PLCB1: variants seen among roughly 807,000 people sequenced by gnomAD.
The protein encoded by PLCB1 is phospholipase C beta 1.
In PLCB1, 46 loss-of-function variants were observed where a neutral mutation model predicts 161.8. The observed-to-expected ratio is 0.28, with a 90% CI of 0.22 to 0.36. The LOEUF is 0.36. Among genes scored for constraint, PLCB1 ranks in the 10% least tolerant of loss-of-function variants. The pLI is 1.00. For missense variants in PLCB1, 1,016 were observed against 1,472.5 expected (o/e 0.69, Z 5.07); for synonymous variants, 517 against 503.7 (o/e 1.03, Z -0.35).
At chr20:8,308,081 T>C (rs756183930) in intron 2 of PLCB1, among the ~76,000 whole-genome samples, 1 of 152,036 alleles carries the variant, frequency 6.6e-6, no homozygotes, top group Non-Finnish European at 1.5e-5. Context: ...ACAAAATGCA[T>C]TGCTGCTTTG....
chr20:8,433,963 G>A (rs542539257), intron 3 of PLCB1, among the ~76,000 whole-genome samples: 1 of 94,590 alleles, frequency 1.1e-5, no homozygotes, highest in East Asian at 3.9e-4. Flanking sequence ...AACCCATTAT[G>A]TGTTTGTTTT....
At chr20:8,637,500 A>C (rs557188110) in intron 4 of PLCB1, among the ~76,000 whole-genome samples, 2 of 152,224 alleles carry the variant, frequency 1.3e-5, no homozygotes, top group Admixed American at 1.3e-4. Context: ...AGGAAACTGG[A>C]AGATGACAGA....
intron 3 of PLCB1, among the ~76,000 whole-genome samples, chr20:8,568,825 C>A (rs1986418887): frequency 6.6e-6 from 1 of 152,104 alleles, no homozygotes; most frequent in African/African-American, 2.4e-5. Flanking sequence ...AAGAGTTTAT[C>A]TGGAAGGTGA....
At chr20:8,735,099 G>C (rs1181430064) in intron 19 of PLCB1, among the ~76,000 whole-genome samples, 1 of 152,214 alleles carries the variant, frequency 6.6e-6, no homozygotes, top group Non-Finnish European at 1.5e-5. Flanking sequence ...TTTAATTCCT[G>C]TCAGGTGTGA....
chr20:8,579,957 T>C (rs966256537), intron 3 of PLCB1, among the ~76,000 whole-genome samples: 1 of 152,192 alleles, frequency 6.6e-6, no homozygotes, highest in Non-Finnish European at 1.5e-5. Context: ...ATTGGCTTGT[T>C]TGAATAATTT....
At chr20:8,713,607 C>T (rs1240051875) in intron 12 of PLCB1, among the ~76,000 whole-genome samples, 2 of 152,198 alleles carry the variant, frequency 1.3e-5, no homozygotes, top group Non-Finnish European at 2.9e-5. Context: ...CTGTACCCCA[C>T]CCTGGACTCT....
chr20:8,630,555 A>C (rs1988553546), intron 4 of PLCB1, among the ~76,000 whole-genome samples: 1 of 152,216 alleles, frequency 6.6e-6, no homozygotes, highest in African/African-American at 2.4e-5. Flanking sequence ...TTCAATGAAC[A>C]TTGTCTGTGT....
intron 2 of PLCB1, among the ~76,000 whole-genome samples, chr20:8,329,990 T>G (rs747149859): frequency 6.6e-6 from 1 of 152,146 alleles, no homozygotes; most frequent in Non-Finnish European, 1.5e-5. Flanking sequence ...ATTTTGCAAT[T>G]GAAAATAGGA....
intron 12 of PLCB1, 39 bp downstream of exon 12, chr20:8,708,791 G>A (rs373117103): frequency 7.0e-5 from 82 of 1,175,304 alleles, no homozygotes; most frequent in Non-Finnish European, 9.1e-5. Context: ...TCTTTTTCCC[G>A]AATAGGGCAT....
At position 8,469,205 on chromosome 20, in the gene PLCB1, C is replaced by T. The variant is rs538335518; in HGVS notation, c.246+97755C>T. 4.5e-4 allele frequency among the ~76,000 whole-genome samples: 68 copies of T among 152,152 alleles called. 1 individual carries two copies. Among genetic ancestry groups the T allele is most frequent in the Middle Eastern group, 3.4e-3 (1 of 294 alleles). On this transcript the variant is annotated intron_variant, in intron 3 of 31. Coordinates refer to ENST00000338037, the MANE Select transcript of PLCB1 (RefSeq NM_015192.4). ...TGAAGTATGAAATAATAGAAGCCTCCCTAAGGTGGTTTATATCCTGAGAAC... is the reference window on the plus strand; with the variant it reads ...TGAAGTATGAAATAATAGAAGCCTCTCTAAGGTGGTTTATATCCTGAGAAC...
At chr20:8,592,833 T>C (rs1410776880) in intron 3 of PLCB1, among the ~76,000 whole-genome samples, 1 of 152,142 alleles carries the variant, frequency 6.6e-6, no homozygotes, top group Non-Finnish European at 1.5e-5. Flanking sequence ...ATGCCCACCA[T>C]ATATTATCTG....
At chr20:8,206,103 C>G (rs1978514677) in intron 2 of PLCB1, among the ~76,000 whole-genome samples, 1 of 152,156 alleles carries the variant, frequency 6.6e-6, no homozygotes, top group South Asian at 2.1e-4. Context: ...CTACAGTAAG[C>G]TTCATTGCAA....
intron 3 of PLCB1, among the ~76,000 whole-genome samples, chr20:8,516,917 T>TA (rs1984152675): frequency 6.6e-6 from 1 of 152,042 alleles, no homozygotes; most frequent in South Asian, 2.1e-4. Flanking sequence ...TTACAGTTCT[T>TA]AGAGTGTTTA....
chr20:8,326,147 G>A (rs1030772503), intron 2 of PLCB1, among the ~76,000 whole-genome samples: 1 of 152,158 alleles, frequency 6.6e-6, no homozygotes, highest in Non-Finnish European at 1.5e-5. Flanking sequence ...ATCTGCAAAT[G>A]TGTTTATGTG....
At chr20:8,544,609 C>G (rs1208601962) in intron 3 of PLCB1, among the ~76,000 whole-genome samples, 2 of 152,200 alleles carry the variant, frequency 1.3e-5, no homozygotes, top group East Asian at 3.9e-4. Flanking sequence ...TGTGTAAGGA[C>G]TGCTAAAATG....
rs528296762 is a variant in PLCB1 at position 8,390,688 on chromosome 20, A to G, written c.246+19238A>G. Reference sequence around the variant, plus strand: ...ACAATTGCTTTTGCAGAGTGGCTTTAGTACAGAATATGTTGATTTGGCATT... The same window carrying G: ...ACAATTGCTTTTGCAGAGTGGCTTTGGTACAGAATATGTTGATTTGGCATT... On this transcript the variant is annotated intron_variant, in intron 3 of 31. Coordinates refer to ENST00000338037, the MANE Select transcript of PLCB1 (RefSeq NM_015192.4). 1.1e-3 allele frequency among the ~76,000 whole-genome samples: 170 copies of G among 152,336 alleles called. 1 individual carries two copies. The highest frequency in any genetic ancestry group is 3.8e-3 in the African/African-American group (160 of 41,578).
Position 8,132,646 on chromosome 20 carries a change from G to T in PLCB1, c.-6G>T. The T allele has an allele frequency of 6.2e-7, 1 of 1,607,576 alleles. No homozygotes were observed. Among genetic ancestry groups the T allele is most frequent in the Non-Finnish European group, 8.5e-7 (1 of 1,176,298 alleles). Reference sequence around the variant, plus strand: ...CCCGGGCCGCCCGGAGCCCAGATGAGCCCAGATGGCCGGGGCTCAACCCGG... The same window carrying T: ...CCCGGGCCGCCCGGAGCCCAGATGATCCCAGATGGCCGGGGCTCAACCCGG... On this transcript the variant is annotated 5_prime_UTR_variant, in exon 1 of 32. Transcript: ENST00000338037. This position sits in a 1 kb window ranked among gnomAD's most constrained non-coding sequence, Gnocchi z 5.2.
chr20:8,233,666 A>G (rs1253435783), intron 2 of PLCB1, among the ~76,000 whole-genome samples: 1 of 152,148 alleles, frequency 6.6e-6, no homozygotes, highest in African/African-American at 2.4e-5. Flanking sequence ...ATTAAGAAAC[A>G]GGACATTTCC....
At chr20:8,259,663 C>T (rs1424033032) in intron 2 of PLCB1, among the ~76,000 whole-genome samples, 1 of 152,086 alleles carries the variant, frequency 6.6e-6, no homozygotes, top group East Asian at 1.9e-4. Flanking sequence ...TATCTGTTGT[C>T]TACTGGTATA....
Sources: gnomAD v4.1 joint callset for allele counts (sites outside exome capture counted in the v4.1 genomes callset) on GRCh38, gnomAD v4.1.1 for gene constraint, Gnocchi (gnomAD v3.1) non-coding constraint, MANE v1.5 for transcripts, NCBI Gene and HGNC (gene_info 2026-07-23, HGNC 2026-07-21) for gene names.